The following NAA30 variants were observed in gnomAD, a reference collection of about 807,000 sequenced individuals.
NAA30 encodes N-alpha-acetyltransferase 30, NatC catalytic subunit.
A neutral mutation model predicts 31.4 loss-of-function variants in NAA30; 5 were observed. The ratio of observed to expected loss-of-function variants is 0.16; its 90% CI spans 0.08 to 0.33. NAA30 has a LOEUF of 0.33. Among genes scored for constraint, NAA30 ranks in the 10% least tolerant of loss-of-function variants. NAA30 has a pLI of 1.00. For missense variants in NAA30, 428 were observed against 490.8 expected, an observed-to-expected ratio of 0.87 and a Z score of 1.21; for synonymous variants, 222 against 207.1, an observed-to-expected ratio of 1.07 and a Z score of -0.62.
chr14:57,397,221 G>A (rs1349878386), intron 3 of NAA30, among the ~76,000 whole-genome samples: 1 of 152,054 alleles, frequency 6.6e-6, no homozygotes, highest in Non-Finnish European at 1.5e-5. Context: ...CTTCATGCCA[G>A]CCTTCAAGCA....
At chr14:57,397,539 C>T (rs1270207317) in intron 3 of NAA30, among the ~76,000 whole-genome samples, 1 of 152,174 alleles carries the variant, frequency 6.6e-6, no homozygotes, top group Non-Finnish European at 1.5e-5. Flanking sequence ...GCTGAAGCTT[C>T]CCTAGGTGAC....
rs11326184 is a variant in NAA30 at position 57,394,110 on chromosome 14, T to TA, written c.771+2400dup. ...TGATTCTTCCTAATTGTAAAAGATG[T>TA]AAAAAAAAAAAAAAAAAAGGACAAA... On this transcript the variant is annotated intron_variant, in intron 2 of 4. Coordinates refer to ENST00000556492, the MANE Select transcript of NAA30 (RefSeq NM_001011713.3). 4.8e-3 allele frequency among the ~76,000 whole-genome samples: 664 copies of TA among 137,254 alleles called. 5 individuals carry two copies. The highest frequency in any genetic ancestry group is 0.034 in the East Asian group (165 of 4,836). The allele number at this position is 137,254 out of a possible 152,430, so 90.0% of individuals were successfully genotyped here. A position where few individuals can be genotyped will look rare whatever the true frequency, so the allele number is the denominator to read the frequency against.
rs1347193916 is a variant in NAA30 at position 57,390,987 on chromosome 14, C to T, written c.30C>T (p.Ser10=). MAEVPPGPS[S]LLPPPAPPAP... is the part of the protein sequence containing the mutation. ...CGGAGGTACCGCCTGGGCCTAGCAG[C>T]CTCCTCCCACCACCAGCACCTCCGG... The change falls in exon 2 of 5, where the codon AGC becomes AGT. Residue 10 remains serine, a synonymous_variant. Coordinates refer to ENST00000556492, the MANE Select transcript of NAA30 (RefSeq NM_001011713.3). 7 of 1,493,682 alleles carry T rather than the reference C, an allele frequency of 4.7e-6. No homozygotes were observed. Among genetic ancestry groups the T allele is most frequent in the African/African-American group, 1.5e-5 (1 of 68,166 alleles). 92.5% of individuals were successfully genotyped at this position (1,493,682 alleles called of 1,614,324 possible).
At chr14:57,403,257 A>AG (rs1555338013) in intron 4 of NAA30, among the ~76,000 whole-genome samples, 1 of 149,962 alleles carries the variant, frequency 6.7e-6, no homozygotes, top group Non-Finnish European at 1.5e-5. Context: ...AAAAAGATAC[A>AG]TTGGAAATCT....
intron 3 of NAA30, among the ~76,000 whole-genome samples, 177 bp downstream of exon 3, chr14:57,397,052 A>G (rs142653389): frequency 6.6e-6 from 1 of 152,182 alleles, no homozygotes; most frequent in East Asian, 1.9e-4. Context: ...CTTAAAATGA[A>G]TTTTTTCTTT....
At chr14:57,405,878 C>G (rs2066496386) in intron 4 of NAA30, among the ~76,000 whole-genome samples, 1 of 152,208 alleles carries the variant, frequency 6.6e-6, no homozygotes, top group African/African-American at 2.4e-5. Context: ...TTTGGCTTAT[C>G]CTGATAATGA....
rs774419245 is a variant in NAA30 at position 57,396,739 on chromosome 14, G to T, written c.772-13G>T. On this transcript the variant is annotated splice_polypyrimidine_tract_variant and intron_variant, in intron 2 of 4. Coordinates refer to ENST00000556492, the MANE Select transcript of NAA30 (RefSeq NM_001011713.3). ...GGCAATGTATTCTTCATAACTGTTT[G>T]TTTATTTTTAAGGCCATGGTAGGGG... 1 of 1,613,770 alleles carries T rather than the reference G, an allele frequency of 6.2e-7. No individual in the cohort carries two copies.
At chr14:57,394,137 G>A (rs1159631598) in intron 2 of NAA30, among the ~76,000 whole-genome samples, 1 of 145,988 alleles carries the variant, frequency 6.8e-6, no homozygotes, top group Non-Finnish European at 1.5e-5. Flanking sequence ...AAGGACAAAT[G>A]TGAGACACTT....
At chr14:57,395,799 C>A (rs775677776) in intron 2 of NAA30, among the ~76,000 whole-genome samples, 1 of 152,062 alleles carries the variant, frequency 6.6e-6, no homozygotes, top group Non-Finnish European at 1.5e-5. Flanking sequence ...AAAAATGAGA[C>A]TATGCTACAC....
At position 57,396,210 on chromosome 14, in the gene NAA30, A is replaced by C. The variant is rs184921579; in HGVS notation, c.772-542A>C. ...CGCTGATCTCAAACCCCTGAGCTCA[A>C]GCAATCTGCCTGCGCCTGCCTCCCA... On this transcript the variant is annotated intron_variant, in intron 2 of 4. Transcript: ENST00000556492. 5.3e-4 allele frequency among the ~76,000 whole-genome samples: 80 copies of C among 152,304 alleles called. 1 individual carries two copies. The highest frequency in any genetic ancestry group is 4.3e-3 in the Admixed American group (66 of 15,296).
At chr14:57,401,650 G>A (rs1307631772) in intron 4 of NAA30, among the ~76,000 whole-genome samples, 1 of 152,138 alleles carries the variant, frequency 6.6e-6, no homozygotes, top group Non-Finnish European at 1.5e-5. Context: ...AGTGAACAGG[G>A]GTGTTAAGAG....
In NAA30 at chr14:57,390,822, TGGG is replaced by T. The variant is rs966305554; in HGVS notation, c.-2+121_-2+123del. The T allele has an allele frequency of 1.5e-5, 11 of 743,376 alleles. No homozygotes were observed. The African/African-American group carries it at 2.1e-4, about 14-fold the overall frequency. The allele number at this position is 743,376 out of a possible 1,614,324, so 46.0% of individuals were successfully genotyped here. ...GAAGAGCGGGGGGGTGGCGGGGAAT[TGGG>T]GGGCAGCTCCGTGAGGGACGGTTTC... On this transcript the variant is annotated intron_variant, in intron 1 of 4. Transcript: ENST00000556492.
intron 3 of NAA30, among the ~76,000 whole-genome samples, chr14:57,398,106 T>C (rs1485036538): frequency 6.6e-6 from 1 of 152,356 alleles, no homozygotes; most frequent in African/African-American, 2.4e-5. Flanking sequence ...TTTTAAAAAC[T>C]ATTAAGTGTT....
At position 57,399,936 on chromosome 14, in the gene NAA30, G is replaced by A. The variant is rs993259074; in HGVS notation, c.951+53G>A. ...TTTATCTGGGCATTATTCTTTCTGG[G>A]TATTTTTAATAAATATTTTATAATT... On this transcript the variant is annotated intron_variant, in intron 4 of 4. Coordinates refer to ENST00000556492, the MANE Select transcript of NAA30 (RefSeq NM_001011713.3). 1.1e-4 allele frequency: 94 copies of A among 858,296 alleles called. 3 individuals carry two copies. Among genetic ancestry groups the A allele is most frequent in the African/African-American group, 1.7e-5 (1 of 59,842 alleles). The allele number at this position is 858,296 out of a possible 1,614,324, so 53.2% of individuals were successfully genotyped here.
In NAA30 at chr14:57,410,682, C is replaced by G. The variant is rs555748691; in HGVS notation, c.*1166C>G. On this transcript the variant is annotated 3_prime_UTR_variant, in exon 5 of 5. Transcript: ENST00000556492. The stretch of plus-strand genomic sequence containing the variant: ...TGGGGGAGCTTTGCTTTTCTTCTGC[C>G]AGAAAAACAAAAGGGGGAAATGAAA... The G allele has an allele frequency of 2.6e-5, 4 of 151,906 alleles. No homozygotes were observed. Among genetic ancestry groups the G allele is most frequent in the African/African-American group, 7.3e-5 (3 of 41,360 alleles). The allele number at this position is 151,906 out of a possible 1,614,324, so 9.4% of individuals were successfully genotyped here. A position where few individuals can be genotyped will look rare whatever the true frequency, so the allele number is the denominator to read the frequency against.
rs1325929860 is a variant in NAA30, at chr14:57,414,865, T to A, written c.*5349T>A. 6.6e-6 allele frequency: 1 copy of A among 152,228 alleles called. No individual in the cohort carries two copies. The highest frequency in any genetic ancestry group is 1.5e-5 in the Non-Finnish European group (1 of 68,042). The allele number at this position is 152,228 out of a possible 1,614,324, so 9.4% of individuals were successfully genotyped here. A position where few individuals can be genotyped will look rare whatever the true frequency, so the allele number is the denominator to read the frequency against. On this transcript the variant is annotated 3_prime_UTR_variant, in exon 5 of 5. Transcript: ENST00000556492. ...TGCATTACTTTGGGGATTAAGTCAGTGTTTAATCTCAATATGAAACAGACC... is the reference window on the plus strand; with the variant it reads ...TGCATTACTTTGGGGATTAAGTCAGAGTTTAATCTCAATATGAAACAGACC...
chr14:57,405,410 A>AT (rs2066494335), intron 4 of NAA30, among the ~76,000 whole-genome samples: 3 of 150,056 alleles, frequency 2.0e-5, no homozygotes, highest in African/African-American at 7.3e-5. Flanking sequence ...ATTTACTAAT[A>AT]ATATATATGT....
Position 57,411,531 on chromosome 14 carries a change from A to T in NAA30, c.*2015A>T, listed in dbSNP as rs888215884. 5 of 152,182 alleles carry T rather than the reference A, an allele frequency of 3.3e-5. No individual in the cohort carries two copies. The highest frequency in any genetic ancestry group is 7.4e-5 in the Non-Finnish European group (5 of 68,000). The allele number at this position is 152,182 out of a possible 1,614,324, so 9.4% of individuals were successfully genotyped here. ...ACTAATAGGGATGGTTGTAAAGTAGATAGATCATTGGTTCAACCATTTTAG... is the reference window on the plus strand; with the variant it reads ...ACTAATAGGGATGGTTGTAAAGTAGTTAGATCATTGGTTCAACCATTTTAG... On this transcript the variant is annotated 3_prime_UTR_variant, in exon 5 of 5. Coordinates refer to ENST00000556492, the MANE Select transcript of NAA30 (RefSeq NM_001011713.3).
At chr14:57,390,799 A>G (rs2066422874) in intron 1 of NAA30, 94 bp downstream of exon 1, 1 of 657,406 alleles carries the variant, frequency 1.5e-6, no homozygotes, top group Admixed American at 4.2e-5. Context: ...GCGGCGCTGA[A>G]GAGCGGGGGG....
Sources: allele counts gnomAD v4.1 joint callset (sites outside exome capture counted in the v4.1 genomes callset), GRCh38; gene constraint gnomAD v4.1.1; transcripts MANE v1.5; gene names NCBI Gene and HGNC (gene_info 2026-07-23, HGNC 2026-07-21).